The following UBE3C variants were observed in gnomAD, a reference collection of about 807,000 sequenced individuals.
The protein encoded by UBE3C is ubiquitin-protein ligase E3C.
A neutral mutation model predicts 129.4 loss-of-function variants in UBE3C; 42 were observed. The observed-to-expected ratio is 0.32, with a 90% CI of 0.25 to 0.42. UBE3C has a LOEUF of 0.42. Among genes scored for constraint, UBE3C ranks in the 10% least tolerant of loss-of-function variants. The pLI, the probability that UBE3C is intolerant of heterozygous loss-of-function variation, is 1.00. For missense variants in UBE3C, 1,049 were observed against 1,319.1 expected (o/e 0.80, Z 3.17); for synonymous variants, 510 against 492.4 (o/e 1.04, Z -0.47).
At position 157,207,752 on chromosome 7, in the gene UBE3C, G is replaced by A. The variant is rs746969892; in HGVS notation, c.1626G>A (p.Leu542=). The change falls in exon 13 of 23, where the codon CTG becomes CTA. Residue 542 remains leucine, a synonymous_variant. Transcript: ENST00000348165. ...TGATGCCTTTTACTTTAGAAGAGCT[G>A]ATAATGTTGTCTCGATGCCTTCGAG... ...SSMMPFTLEE[L]IMLSRCLRDA... 1.9e-6 allele frequency: 3 copies of A among 1,614,126 alleles called. No homozygotes were observed. Among genetic ancestry groups the A allele is most frequent in the Non-Finnish European group, 2.5e-6 (3 of 1,180,028 alleles).
intron 22 of UBE3C, among the ~76,000 whole-genome samples, chr7:157,259,167 G>T (rs1425853893): frequency 6.6e-6 from 1 of 152,208 alleles, no homozygotes; most frequent in Non-Finnish European, 1.5e-5. Flanking sequence ...ACATTTTCAG[G>T]CCCCACTCAG....
At chr7:157,211,194 G>GAGAGAGAGAGAGAGAGA (rs1554431118) in intron 13 of UBE3C, among the ~76,000 whole-genome samples, 1 of 151,364 alleles carries the variant, frequency 6.6e-6, no homozygotes, top group Non-Finnish European at 1.5e-5. Flanking sequence ...GAGAGAGAGA[G>GAGAGAGAGAGAGAGAGA]CCATACTATG....
At chr7:157,144,888 T>A (rs1016182492) in intron 1 of UBE3C, among the ~76,000 whole-genome samples, 1 of 152,218 alleles carries the variant, frequency 6.6e-6, no homozygotes, top group South Asian at 2.1e-4. Flanking sequence ...TACATTCAGG[T>A]TCACACTGTG....
At chr7:157,254,973 C>T (rs1177247217) in intron 21 of UBE3C, among the ~76,000 whole-genome samples, 2 of 151,238 alleles carry the variant, frequency 1.3e-5, no homozygotes, top group African/African-American at 4.9e-5. Context: ...GCAGTCCCGG[C>T]GTGGTGGCGT....
intron 18 of UBE3C, among the ~76,000 whole-genome samples, chr7:157,233,113 T>C (rs890553017): frequency 2.6e-5 from 4 of 152,014 alleles, no homozygotes; most frequent in Non-Finnish European, 2.9e-5. Flanking sequence ...TTTTTTTTTT[T>C]CTAGACATTT....
intron 13 of UBE3C, among the ~76,000 whole-genome samples, chr7:157,211,759 G>A (rs1193802666): frequency 1.3e-5 from 2 of 152,080 alleles, no homozygotes; most frequent in Admixed American, 6.6e-5. Flanking sequence ...AACACTCACA[G>A]TATTCATCCC....
intron 2 of UBE3C, among the ~76,000 whole-genome samples, chr7:157,168,328 C>A (rs1808273127): frequency 8.4e-6 from 1 of 119,236 alleles, no homozygotes; most frequent in African/African-American, 4.1e-5. Flanking sequence ...GAGCAAGACT[C>A]TGTCTCAAAA....
intron 9 of UBE3C, among the ~76,000 whole-genome samples, chr7:157,186,352 G>C (rs1214122680): frequency 6.6e-6 from 1 of 151,728 alleles, no homozygotes; most frequent in African/African-American, 2.4e-5. Flanking sequence ...CTGGGAGGCG[G>C]AGGTTGCAGT....
chr7:157,196,946 G>A (rs1809137127), intron 10 of UBE3C, among the ~76,000 whole-genome samples: 2 of 152,144 alleles, frequency 1.3e-5, no homozygotes, highest in South Asian at 4.1e-4. Flanking sequence ...TCCAGGCTGG[G>A]CAACAAGAGC....
At chr7:157,263,617 T>A (rs1796981430) in intron 22 of UBE3C, among the ~76,000 whole-genome samples, 1 of 151,574 alleles carries the variant, frequency 6.6e-6, no homozygotes, top group African/African-American at 2.4e-5. Context: ...TGAGCCGAGA[T>A]TGTGCCATTG....
chr7:157,262,203 A>G (rs1034787675), intron 22 of UBE3C, among the ~76,000 whole-genome samples: 3 of 152,066 alleles, frequency 2.0e-5, no homozygotes, highest in African/African-American at 7.2e-5. Context: ...AGTGTAATAA[A>G]TGTTATTTCT....
At chr7:157,253,399 C>T (rs931033044) in intron 19 of UBE3C, among the ~76,000 whole-genome samples, 8 of 152,218 alleles carry the variant, frequency 5.3e-5, no homozygotes, top group African/African-American at 1.9e-4. Flanking sequence ...AGTGTTCTTA[C>T]TCACTCTGTT....
At position 157,254,016 on chromosome 7, in the gene UBE3C, C is replaced by T. The variant is rs768781322; in HGVS notation, c.2757C>T (p.Tyr919=). Residue 919 remains tyrosine, a synonymous_variant, in exon 20 of 23, where the codon TAC becomes TAT. Coordinates refer to ENST00000348165, the MANE Select transcript of UBE3C (RefSeq NM_014671.3). The stretch of plus-strand genomic sequence containing the variant: ...TCACCAGCGCCAACCGGATTGCGTA[C>T]ATCCACTTGGTGGCAGACTACAGGC... ...IPVTSANRIA[Y]IHLVADYRLN... The T allele has an allele frequency of 6.2e-7, 1 of 1,613,174 alleles. No homozygotes were observed. Among genetic ancestry groups the T allele is most frequent in the South Asian group, 1.1e-5 (1 of 90,780 alleles).
At chr7:157,198,176 T>G in intron 10 of UBE3C, 4 of 1,608,652 alleles carry the variant, frequency 2.5e-6, no homozygotes, top group Non-Finnish European at 3.4e-6. Context: ...TCTGAACATC[T>G]TGTAGCTGAT....
intron 2 of UBE3C, among the ~76,000 whole-genome samples, chr7:157,166,613 G>T (rs1238939841): frequency 6.6e-6 from 1 of 151,790 alleles, no homozygotes; most frequent in Non-Finnish European, 1.5e-5. Flanking sequence ...GCTGGCGCAT[G>T]CCTGTAATCC....
intron 2 of UBE3C, among the ~76,000 whole-genome samples, chr7:157,165,343 G>A (rs1808184097): frequency 6.7e-6 from 1 of 150,036 alleles, no homozygotes; most frequent in Admixed American, 6.7e-5. Flanking sequence ...GCTTCAGTTT[G>A]GATATTTTCA....
At chr7:157,155,814 T>C (rs1351983540) in intron 1 of UBE3C, among the ~76,000 whole-genome samples, 1 of 152,324 alleles carries the variant, frequency 6.6e-6, no homozygotes, top group East Asian at 1.9e-4. Context: ...CCCAGAGCAG[T>C]TGGCTGTGCT....
chr7:157,222,816 C>G (rs1317614225), intron 15 of UBE3C: 2 of 173,630 alleles, frequency 1.2e-5, no homozygotes, highest in Non-Finnish European at 2.4e-5. Flanking sequence ...TGTATACAGC[C>G]TTCTCCCAGG....
chr7:157,182,781 G>A (rs368437032), intron 8 of UBE3C, among the ~76,000 whole-genome samples: 3 of 151,962 alleles, frequency 2.0e-5, no homozygotes, highest in East Asian at 1.9e-4. Context: ...ATAGAGTCTC[G>A]CTCTGTCACT....
Sources: allele counts gnomAD v4.1 joint callset (sites outside exome capture counted in the v4.1 genomes callset), GRCh38; gene constraint gnomAD v4.1.1; transcripts MANE v1.5; gene names NCBI Gene and HGNC (gene_info 2026-07-23, HGNC 2026-07-21).